The following CDK12 variants were observed in gnomAD, a reference collection of about 807,000 sequenced individuals.
The protein encoded by CDK12 is cyclin-dependent kinase 12.
A neutral mutation model predicts 133.8 loss-of-function variants in CDK12; 17 were observed. The ratio of observed to expected loss-of-function variants is 0.13; its 90% CI spans 0.09 to 0.19. The LOEUF (loss-of-function observed/expected upper bound fraction) is 0.19. Among genes scored for constraint, CDK12 ranks in the 10% least tolerant of loss-of-function variants. The pLI is 1.00. For missense variants in CDK12, 1,508 were observed against 1,818.7 expected (o/e 0.83, Z 3.11); for synonymous variants, 694 against 683.6 (o/e 1.02, Z -0.24).
In CDK12 at chr17:39,509,631, G is replaced by C. The variant is rs370475479; in HGVS notation, c.2610-74G>C. The C allele has an allele frequency of 2.5e-4, 237 of 929,490 alleles. 1 individual carries two copies. The African/African-American group carries it at 3.6e-3, about 14-fold the overall frequency. The allele number at this position is 929,490 out of a possible 1,614,324, so 57.6% of individuals were successfully genotyped here. On this transcript the variant is annotated intron_variant, in intron 6 of 13. Transcript: ENST00000447079. Reference sequence around the variant, plus strand: ...TTTGTAATTCCTTTACCCCTAACTTGGCGCATGACTTTTCAGGTGTATTTT... The same window carrying C: ...TTTGTAATTCCTTTACCCCTAACTTCGCGCATGACTTTTCAGGTGTATTTT...
intron 1 of CDK12, among the ~76,000 whole-genome samples, chr17:39,466,615 G>GAAAAAAAAAAAAAAAAAAAAAAAAA (rs71147339): frequency 3.2e-5 from 1 of 31,482 alleles, no homozygotes; most frequent in African/African-American, 9.9e-5. Context: ...AACTCTATCT[G>GAAAAAAAAAAAAAAAAAAAAAAAAA]AAAAAAAAAA....
At chr17:39,491,050 A>C (rs542239372) in intron 3 of CDK12, among the ~76,000 whole-genome samples, 2 of 152,272 alleles carry the variant, frequency 1.3e-5, no homozygotes, top group South Asian at 4.1e-4. Flanking sequence ...TTTTAAATTC[A>C]GGATGTGTCA....
chr17:39,511,371 A>G (rs945862285), intron 7 of CDK12, among the ~76,000 whole-genome samples, 158 bp from the exon 8 acceptor site: 14 of 152,062 alleles, frequency 9.2e-5, no homozygotes, highest in African/African-American at 3.1e-4. Flanking sequence ...TTCATCTCCT[A>G]CTTCTGAACA....
chr17:39,510,123 T>TC (rs1194047451), intron 7 of CDK12, among the ~76,000 whole-genome samples: 3 of 147,834 alleles, frequency 2.0e-5, no homozygotes, highest in Non-Finnish European at 4.5e-5. Flanking sequence ...TCTTTTTTTT[T>TC]TTTTTTTTTT....
upstream of CDK12, chr17:39,544,464 C>CTTT (rs550457490): frequency 3.5e-5 from 7 of 201,260 alleles, no homozygotes; most frequent in Non-Finnish European, 6.6e-5. Flanking sequence ...AAGTTTCTTT[C>CTTT]TTTTTTTTTT....
At chr17:39,537,585 A>ATTTG (rs767249060), downstream of CDK12, among the ~76,000 whole-genome samples, 2 of 149,318 alleles carry the variant, frequency 1.3e-5, no homozygotes, top group East Asian at 4.0e-4. Flanking sequence ...TTATTTATTT[A>ATTTG]TTTTTGAGAT....
At chr17:39,493,828 C>T in intron 4 of CDK12, among the ~76,000 whole-genome samples, 1 of 151,872 alleles carries the variant, frequency 6.6e-6, no homozygotes, top group Non-Finnish European at 1.5e-5. Context: ...AACCCCGTTT[C>T]TACTAAAAAT....
At chr17:39,518,677 G>A (rs2053967735) in intron 10 of CDK12, among the ~76,000 whole-genome samples, 1 of 151,922 alleles carries the variant, frequency 6.6e-6, no homozygotes, top group Non-Finnish European at 1.5e-5. Flanking sequence ...TCCTGCCTCA[G>A]CCTTCCAAGT....
At chr17:39,537,791 T>C (rs1247873912), downstream of CDK12, among the ~76,000 whole-genome samples, 1 of 152,072 alleles carries the variant, frequency 6.6e-6, no homozygotes, top group Non-Finnish European at 1.5e-5. Context: ...CTTGAACTCC[T>C]GACCTTGTGA....
chr17:39,488,507 A>G (rs932860519), intron 2 of CDK12, among the ~76,000 whole-genome samples: 2 of 152,168 alleles, frequency 1.3e-5, no homozygotes, highest in Non-Finnish European at 2.9e-5. Context: ...CAACTTAGCT[A>G]TATTTCTATT....
chr17:39,524,608 T>A, intron 11 of CDK12, 66 bp from the exon 12 acceptor site: 1 of 1,350,820 alleles, frequency 7.4e-7, no homozygotes, highest in Admixed American at 1.8e-5. Flanking sequence ...TTTTAATCCT[T>A]TGCTCCTCCA....
intron 5 of CDK12, among the ~76,000 whole-genome samples, chr17:39,498,038 C>T (rs2052273854): frequency 6.7e-6 from 1 of 149,966 alleles, no homozygotes; most frequent in African/African-American, 2.5e-5. Flanking sequence ...GAGTCTTGCT[C>T]TCTCACCGAG....
At chr17:39,562,903 T>A (rs2056430185) in intron 3 of CDK12, among the ~76,000 whole-genome samples, 1 of 60,742 alleles carries the variant, frequency 1.6e-5, no homozygotes, top group Non-Finnish European at 2.9e-5. Flanking sequence ...TTTTCTTTTC[T>A]TTTTTTTTTT....
chr17:39,549,936 ACCC>A (rs915505374), upstream of CDK12: 1 of 141,216 alleles, frequency 7.1e-6, no homozygotes, highest in Non-Finnish European at 1.5e-5. Flanking sequence ...GGATCAAATA[ACCC>A]CCCCATCATA....
At position 39,501,452 on chromosome 17, in the gene CDK12, C is replaced by G. The variant is rs776534391; in HGVS notation, c.2609+13C>G. On this transcript the variant is annotated intron_variant, in intron 6 of 13. Transcript: ENST00000447079. ...TGCTGAATAACAGGTAACATAGTAA[C>G]CAAATAAGATTAAGCACTTTCCTCT... The G allele has an allele frequency of 1.9e-6, 3 of 1,582,490 alleles. No homozygotes were observed. The highest frequency in any genetic ancestry group is 2.6e-6 in the Non-Finnish European group (3 of 1,158,966).
Position 39,515,789 on chromosome 17 carries a change from G to A in CDK12, c.2827G>A (p.Ala943Thr), listed in dbSNP as rs2053763667. Residue 943 changes from alanine to threonine, a missense_variant, in exon 9 of 14, where the codon GCT becomes ACT. This residue lies in a region of CDK12 where 82 missense variants were observed against 201.5 expected (regional missense o/e 0.41). Transcript: ENST00000447079. The part of the protein sequence containing the change: ...KPIFQANLEL[A>T]QLELISRLCG... ...TATTTTTCAAGCCAATCTGGAACTG[G>A]CTCAGCTAGAACTGATCAGGTACAG... 1 of 1,613,156 alleles carries A rather than the reference G, an allele frequency of 6.2e-7. No individual in the cohort carries two copies. The highest frequency in any genetic ancestry group is 8.5e-7 in the Non-Finnish European group (1 of 1,179,344).
At chr17:39,517,394 T>A (rs371172819) in intron 9 of CDK12, 46 bp from the exon 10 acceptor site, 3 of 1,057,480 alleles carry the variant, frequency 2.8e-6, no homozygotes, top group Non-Finnish European at 4.4e-6. Flanking sequence ...GAATTCATGA[T>A]GTTGACTCAC....
chr17:39,562,704 A>G (rs1363942107), intron 3 of CDK12, among the ~76,000 whole-genome samples: 1 of 152,168 alleles, frequency 6.6e-6, no homozygotes. Context: ...AAAGTTTGTC[A>G]TCAAAAAAAG....
chr17:39,555,193 C>T (rs1038500723), intron 2 of CDK12, among the ~76,000 whole-genome samples: 3 of 149,884 alleles, frequency 2.0e-5, no homozygotes, highest in African/African-American at 2.5e-5. Context: ...TGCAGTGAGC[C>T]GAGATCGCAC....
Sources: gnomAD v4.1 joint callset for allele counts (sites outside exome capture counted in the v4.1 genomes callset) on GRCh38, gnomAD v4.1.1 for gene constraint, gnomAD v4.1.1 regional missense constraint, MANE v1.5 for transcripts, NCBI Gene and HGNC (gene_info 2026-07-23, HGNC 2026-07-21) for gene names.